TCF4: variants seen among roughly 807,000 people sequenced by gnomAD.
TCF4 encodes the protein transcription factor 4.
A neutral mutation model predicts 82.1 loss-of-function variants in TCF4; 3 were observed. The ratio of observed to expected loss-of-function variants is 0.04; its 90% CI spans 0.02 to 0.09. TCF4 has a LOEUF of 0.09. TCF4 is among the 10% of genes least tolerant of loss of function. TCF4 has a pLI of 1.00. For synonymous variants in TCF4, 276 were observed against 309.6 expected, an observed-to-expected ratio of 0.89 and a Z score of 1.14; for missense variants, 518 against 852.7, an observed-to-expected ratio of 0.61 and a Z score of 4.89.
chr18:55,334,395 G>A (rs1468912508), intron 8 of TCF4, among the ~76,000 whole-genome samples: 2 of 151,918 alleles, frequency 1.3e-5, no homozygotes, highest in African/African-American at 4.8e-5. Flanking sequence ...AATTATAGGA[G>A]AAAAAATTCT....
intron 17 of TCF4, chr18:55,229,408 T>C: frequency 2.8e-6 from 1 of 355,158 alleles, no homozygotes; most frequent in Non-Finnish European, 5.3e-6. Flanking sequence ...GGTTACACTC[T>C]GCAAAGCAGG....
In TCF4 at chr18:55,261,815, T is replaced by C. The variant is rs545306547; in HGVS notation, c.923-282A>G. On this transcript the variant is annotated intron_variant, in intron 11 of 19. Coordinates refer to ENST00000354452, the MANE Select transcript of TCF4 (RefSeq NM_001083962.2). Reference sequence around the variant, plus strand: ...ATGAGCTGGTGAATGTAGCAAGCTATGTGACGGTCATTGCTGACAAGTATA... The same window carrying C: ...ATGAGCTGGTGAATGTAGCAAGCTACGTGACGGTCATTGCTGACAAGTATA... Among the ~76,000 whole-genome samples, 7 of 152,332 alleles carry C rather than the reference T, an allele frequency of 4.6e-5. No individual in the cohort carries two copies. The South Asian group carries it at 1.5e-3, about 32-fold the overall frequency.
intron 8 of TCF4, among the ~76,000 whole-genome samples, chr18:55,310,857 C>T (rs1371837494): frequency 1.3e-5 from 2 of 152,130 alleles, no homozygotes; most frequent in Non-Finnish European, 2.9e-5. Context: ...TGGTAATACA[C>T]TTCCTCATTT....
intron 3 of TCF4, among the ~76,000 whole-genome samples, chr18:55,473,507 T>C (rs1401036065): frequency 6.6e-6 from 1 of 152,186 alleles, no homozygotes; most frequent in Non-Finnish European, 1.5e-5. Flanking sequence ...CACAACCCCT[T>C]TTGCTTAAAA....
At chr18:55,486,598 CA>C (rs1164341946) in intron 3 of TCF4, among the ~76,000 whole-genome samples, 3 of 151,826 alleles carry the variant, frequency 2.0e-5, no homozygotes. Flanking sequence ...GTATCAAAAA[CA>C]AAAAACAACA....
chr18:55,622,171 ACG>A (rs1491537911), intron 2 of TCF4, among the ~76,000 whole-genome samples: 1 of 92,992 alleles, frequency 1.1e-5, no homozygotes, highest in African/African-American at 3.8e-5. Flanking sequence ...ACACACACAC[ACG>A]CACTCACACA....
At chr18:55,364,675 C>T (rs1234446578) in intron 6 of TCF4, among the ~76,000 whole-genome samples, 3 of 152,160 alleles carry the variant, frequency 2.0e-5, no homozygotes, top group Admixed American at 6.5e-5. Flanking sequence ...CATGCACACA[C>T]CAGGTGAAAG....
intron 5 of TCF4, among the ~76,000 whole-genome samples, chr18:55,436,950 G>C (rs1165978544): frequency 2.0e-5 from 3 of 152,200 alleles, no homozygotes; most frequent in Non-Finnish European, 4.4e-5. Context: ...CTAGAAGATA[G>C]CAGAGATAAT....
chr18:55,497,012 A>C (rs2096644957), intron 3 of TCF4, among the ~76,000 whole-genome samples: 1 of 152,170 alleles, frequency 6.6e-6, no homozygotes, highest in Non-Finnish European at 1.5e-5. Flanking sequence ...AAGGCAAAAA[A>C]ACATCGTTCT....
rs761419131 is a variant in TCF4 at position 55,228,953 on chromosome 18, G to A, written c.1773C>T (p.Leu591=). ...VRDINEAFKE[L]GRMVQLHLKS... ...TGAGGTGGAGCTGCACCATGCGGCCGAGCTCTTTGAAAGCCTCGTTGATGT... is the reference window on the plus strand; with the variant it reads ...TGAGGTGGAGCTGCACCATGCGGCCAAGCTCTTTGAAAGCCTCGTTGATGT... Residue 591 remains leucine, a synonymous_variant, in exon 18 of 20, where the codon CTC becomes CTT. Coordinates refer to ENST00000354452, the MANE Select transcript of TCF4 (RefSeq NM_001083962.2). The A allele has an allele frequency of 7.4e-6, 12 of 1,614,172 alleles. No homozygotes were observed. Among genetic ancestry groups the A allele is most frequent in the African/African-American group, 1.3e-5 (1 of 75,042 alleles).
intron 3 of TCF4, among the ~76,000 whole-genome samples, chr18:55,511,837 T>C (rs184480671): frequency 6.6e-6 from 1 of 152,250 alleles, no homozygotes; most frequent in Admixed American, 6.5e-5. Flanking sequence ...CTAATGTAAC[T>C]TGCACTTAGG....
At chr18:55,617,554 A>C (rs1352202882) in intron 2 of TCF4, among the ~76,000 whole-genome samples, 1 of 152,126 alleles carries the variant, frequency 6.6e-6, no homozygotes, top group African/African-American at 2.4e-5. Context: ...ATTGTCTTCC[A>C]ATCCATGAAT....
intron 5 of TCF4, among the ~76,000 whole-genome samples, chr18:55,443,010 G>A (rs557312415): frequency 1.3e-5 from 2 of 152,190 alleles, no homozygotes; most frequent in Non-Finnish European, 2.9e-5. Context: ...GCTGAAAATG[G>A]TTTGTCCAGT....
chr18:55,260,928 A>G (rs2057929892), intron 12 of TCF4, among the ~76,000 whole-genome samples: 1 of 152,176 alleles, frequency 6.6e-6, no homozygotes, highest in Non-Finnish European at 1.5e-5. Context: ...CTCTGAGACA[A>G]TGAAGGTATG....
intron 3 of TCF4, among the ~76,000 whole-genome samples, chr18:55,504,427 T>C (rs2096732436): frequency 6.6e-6 from 1 of 152,242 alleles, no homozygotes; most frequent in Non-Finnish European, 1.5e-5. Context: ...TACTAATATT[T>C]GAGTAAAACT....
chr18:55,477,738 T>G (rs2096325913), intron 3 of TCF4, among the ~76,000 whole-genome samples: 6 of 152,146 alleles, frequency 3.9e-5, no homozygotes, highest in African/African-American at 1.4e-4. Context: ...ATAAAACATG[T>G]TCACTACTGA....
intron 2 of TCF4, among the ~76,000 whole-genome samples, chr18:55,601,692 G>C (rs35178579): frequency 6.6e-6 from 1 of 152,038 alleles, no homozygotes; most frequent in African/African-American, 2.4e-5. Flanking sequence ...GCTGAGGCAG[G>C]AGAATCACTT....
intron 15 of TCF4, among the ~76,000 whole-genome samples, chr18:55,241,189 C>T (rs777707573): frequency 3.3e-5 from 5 of 152,158 alleles, no homozygotes; most frequent in African/African-American, 7.2e-5. Flanking sequence ...CGGATGTGAG[C>T]CGACCTCAGT....
At position 55,350,268 on chromosome 18, in the gene TCF4, G is replaced by A. The variant is rs761967636; in HGVS notation, c.549+91C>T. 351 of 1,334,058 alleles carry A rather than the reference G, an allele frequency of 2.6e-4. 1 individual carries two copies. The highest frequency in any genetic ancestry group is 3.6e-4 in the Middle Eastern group (2 of 5,602). 82.6% of individuals were successfully genotyped at this position (1,334,058 alleles called of 1,614,324 possible). A position where few individuals can be genotyped will look rare whatever the true frequency, so the allele number is the denominator to read the frequency against. ...TCTAGATAAACGTGCTGCTCTGGGC[G>A]CATGGAAACTCATTTACTTCTATCT... On this transcript the variant is annotated intron_variant, in intron 8 of 19. Coordinates refer to ENST00000354452, the MANE Select transcript of TCF4 (RefSeq NM_001083962.2).
Sources: allele counts gnomAD v4.1 joint callset (sites outside exome capture counted in the v4.1 genomes callset), GRCh38; gene constraint gnomAD v4.1.1; transcripts MANE v1.5; gene names NCBI Gene and HGNC (gene_info 2026-07-23, HGNC 2026-07-21).